The following SP100 variants were observed in gnomAD, a reference collection of about 807,000 sequenced individuals.
The protein encoded by SP100 is SP100 nuclear body protein, also known as nuclear autoantigen Sp-100.
SP100 carries 84 observed loss-of-function variants against 130.0 expected under a neutral mutation model. The ratio of observed to expected loss-of-function variants is 0.65; its 90% CI spans 0.54 to 0.77. SP100 has a LOEUF of 0.77. Among genes scored for constraint, SP100 ranks in the 30% least tolerant of loss-of-function variants. SP100 has a pLI of 0.00. For synonymous variants in SP100, 331 were observed against 351.7 expected (o/e 0.94, Z 0.66); for missense variants, 978 against 1,052.2 (o/e 0.93, Z 0.97).
chr2:230,515,702 A>C (rs1279740889), intron 24 of SP100: 1 of 1,534,342 alleles, frequency 6.5e-7, no homozygotes, highest in Non-Finnish European at 8.7e-7. Context: ...TACACAACTC[A>C]CTCCTTTTAA....
At chr2:230,444,371 T>A in intron 4 of SP100, 25 bp downstream of exon 4, 1 of 1,597,920 alleles carries the variant, frequency 6.3e-7, no homozygotes, top group Non-Finnish European at 8.6e-7. Context: ...TATCTACCTT[T>A]TTATTTCCAG....
At chr2:230,475,599 T>C (rs754985823) in intron 17 of SP100, among the ~76,000 whole-genome samples, 2 of 152,214 alleles carry the variant, frequency 1.3e-5, no homozygotes, top group Non-Finnish European at 2.9e-5. Flanking sequence ...GACTTAGCCA[T>C]AAATTCTTTG....
intron 21 of SP100, among the ~76,000 whole-genome samples, chr2:230,505,423 T>C (rs1287288329): frequency 6.6e-6 from 1 of 152,174 alleles, no homozygotes; most frequent in African/African-American, 2.4e-5. Flanking sequence ...ATCACAGGGT[T>C]TAGAATCAGA....
intron 2 of SP100, among the ~76,000 whole-genome samples, chr2:230,419,871 G>A (rs774914369): frequency 6.6e-6 from 1 of 152,102 alleles, no homozygotes; most frequent in Non-Finnish European, 1.5e-5. Context: ...AATTTGCGTT[G>A]GTGACCCATG....
At chr2:230,475,727 A>C (rs1182404545) in intron 17 of SP100, among the ~76,000 whole-genome samples, 1 of 152,206 alleles carries the variant, frequency 6.6e-6, no homozygotes. Context: ...GATGAGAAGT[A>C]TGGGTCCAGT....
intron 25 of SP100, 51 bp from the exon 26 acceptor site, chr2:230,540,825 G>A (rs1313512057): frequency 7.6e-6 from 12 of 1,574,290 alleles, no homozygotes; most frequent in African/African-American, 1.4e-5. Flanking sequence ...TGTAGGAATG[G>A]CGGCTGATTC....
At position 230,514,545 on chromosome 2, in the gene SP100, G is replaced by A. The variant is rs528621255; in HGVS notation, c.2094+3379G>A. 1.2e-4 allele frequency among the ~76,000 whole-genome samples: 18 copies of A among 152,250 alleles called. No individual in the cohort carries two copies. In the South Asian group the frequency reaches 3.7e-3, roughly 32 times the overall value. On this transcript the variant is annotated intron_variant, in intron 24 of 28. Transcript: ENST00000340126. ...AACAACTATGCTATAATTTTCTTCT[G>A]AAAGATAATTTTTCTCTCTTCGATC...
At chr2:230,486,751 A>G (rs911622124) in intron 17 of SP100, among the ~76,000 whole-genome samples, 5 of 152,262 alleles carry the variant, frequency 3.3e-5, no homozygotes, top group African/African-American at 1.2e-4. Context: ...AGGAATCACC[A>G]TACTGTCTTC....
At chr2:230,519,260 T>C (rs545042382) in intron 24 of SP100, among the ~76,000 whole-genome samples, 117 of 152,306 alleles carry the variant, frequency 7.7e-4, no homozygotes, top group African/African-American at 2.8e-3. Flanking sequence ...ACTTCCACTT[T>C]AATGGGGGTG....
chr2:230,494,383 T>G (rs836230), intron 17 of SP100, 33 bp from the exon 18 acceptor site: 313,757 of 1,455,890 alleles, frequency 0.22, 35,288 homozygotes, highest in Non-Finnish European at 0.24. Flanking sequence ...TTTATAGTTC[T>G]AAAGGATTAT....
At chr2:230,450,063 A>G in intron 7 of SP100, 109 bp from the exon 8 acceptor site, 1 of 747,654 alleles carries the variant, frequency 1.3e-6, no homozygotes, top group Non-Finnish European at 2.3e-6. Context: ...AGACAGGGGT[A>G]TAAGTAGAAA....
chr2:230,516,512 T>C (rs1690923280), intron 24 of SP100: 2 of 152,190 alleles, frequency 1.3e-5, no homozygotes, highest in African/African-American at 4.8e-5. Flanking sequence ...TAAAAGTCAC[T>C]TTATTCCTCC....
At position 230,446,891 on chromosome 2, in the gene SP100, G is replaced by C; in HGVS notation, c.512G>C (p.Ser171Thr). ...GAGGAGAGGTCTGGCCTCCAACTAA[G>C]TCTTGAACAAGGTAAAAATGACAGA... ...EREERSGLQL[S>T]LEQGTGENSF... The change falls in exon 5 of 29, where the codon AGT (serine) becomes ACT (threonine). Residue 171 changes from serine (S) to threonine (T), a missense_variant. Transcript: ENST00000340126. 1 of 1,605,854 alleles carries C rather than the reference G, an allele frequency of 6.2e-7. No individual in the cohort carries two copies. The highest frequency in any genetic ancestry group is 8.5e-7 in the Non-Finnish European group (1 of 1,173,352).
chr2:230,438,648 T>TACACACACACACAC (rs796889943), intron 2 of SP100, among the ~76,000 whole-genome samples: 1 of 127,402 alleles, frequency 7.8e-6, no homozygotes, highest in Admixed American at 8.2e-5. Flanking sequence ...TGTATATATA[T>TACACACACACACAC]ACACACACAC....
rs577326601 is a variant in SP100 at position 230,476,415 on chromosome 2, A to C, written c.1600+1968A>C. ...ATTCTGAAACTTTACTAAATTTGTC[A>C]GTTCCAGGAGCATTTTTTTCTACTC... On this transcript the variant is annotated intron_variant, in intron 17 of 28. Transcript: ENST00000340126. 2.6e-5 allele frequency among the ~76,000 whole-genome samples: 4 copies of C among 152,288 alleles called. No homozygotes were observed. The South Asian group carries it at 8.3e-4, about 32-fold the overall frequency.
intron 12 of SP100, 37 bp downstream of exon 12, chr2:230,466,391 T>G (rs1490689678): frequency 9.4e-7 from 1 of 1,067,678 alleles, no homozygotes. Context: ...TAAGAGAAAA[T>G]AACTTCTCTT....
intron 11 of SP100, 61 bp from the exon 12 acceptor site, chr2:230,466,240 T>C (rs2064950232): frequency 2.2e-6 from 2 of 908,132 alleles, no homozygotes; most frequent in Non-Finnish European, 3.5e-6. Flanking sequence ...CCATGTCAGT[T>C]GTCATAGAAT....
chr2:230,491,284 C>T (rs1004860770), intron 17 of SP100, among the ~76,000 whole-genome samples: 11 of 152,222 alleles, frequency 7.2e-5, no homozygotes, highest in African/African-American at 2.4e-4. Context: ...GCTAAGTCTG[C>T]TGGTTCATGG....
chr2:230,463,141 C>T (rs17333503), intron 10 of SP100, among the ~76,000 whole-genome samples: 36,558 of 152,074 alleles, frequency 0.24, 5,062 homozygotes, highest in Non-Finnish European at 0.32. Flanking sequence ...GAGAGATTCT[C>T]GTCCTTGTTT....
Sources: gnomAD v4.1 joint callset for allele counts (sites outside exome capture counted in the v4.1 genomes callset) on GRCh38, gnomAD v4.1.1 for gene constraint, MANE v1.5 for transcripts, NCBI Gene and HGNC (gene_info 2026-07-23, HGNC 2026-07-21) for gene names.